Variants in GJB7 observed in about 807,000 individuals in gnomAD.
GJB7 encodes gap junction protein beta 7, also known as gap junction beta-7 protein.
For synonymous variants in GJB7, 87 were observed against 95.2 expected, an observed-to-expected ratio of 0.91 and a Z score of 0.50; for missense variants, 253 against 256.8, an observed-to-expected ratio of 0.99 and a Z score of 0.10.
intron 2 of GJB7, among the ~76,000 whole-genome samples, chr6:87,285,487 G>A (rs957638715): frequency 3.9e-5 from 6 of 152,144 alleles, no homozygotes; most frequent in African/African-American, 1.4e-4. Context: ...ATAATGAAAA[G>A]TGAAGCTCCC....
intron 2 of GJB7, among the ~76,000 whole-genome samples, chr6:87,315,315 T>C (rs1043798895): frequency 6.6e-6 from 1 of 152,146 alleles, no homozygotes; most frequent in African/African-American, 2.4e-5. Flanking sequence ...TCTTTCCTCC[T>C]GTCCAAAGCA....
intron 2 of GJB7, among the ~76,000 whole-genome samples, chr6:87,316,985 T>TC (rs1370936050): frequency 6.6e-6 from 1 of 152,112 alleles, no homozygotes; most frequent in Non-Finnish European, 1.5e-5. Context: ...CCACATACCA[T>TC]CCTCTGTGTT....
chr6:87,293,456 G>GC (rs1459803925), intron 2 of GJB7, among the ~76,000 whole-genome samples: 1 of 151,244 alleles, frequency 6.6e-6, no homozygotes, highest in Non-Finnish European at 1.5e-5. Context: ...TTTTGTTTTT[G>GC]TTTTTGTTTT....
At chr6:87,324,652 AT>A (rs373180779) in intron 1 of GJB7, among the ~76,000 whole-genome samples, 59,118 of 150,224 alleles carry the variant, frequency 0.39, 12,537 homozygotes, top group Non-Finnish European at 0.48. Flanking sequence ...TACCAGTACC[AT>A]GCTGTTTTGG....
intron 2 of GJB7, among the ~76,000 whole-genome samples, chr6:87,292,476 A>G (rs1457153580): frequency 1.3e-5 from 2 of 152,228 alleles, no homozygotes; most frequent in Non-Finnish European, 2.9e-5. Flanking sequence ...ACTATTATAA[A>G]AAAAGCTAAT....
In GJB7 at chr6:87,313,986, T is replaced by C. The variant is rs112555281; in HGVS notation, c.-28+8880A>G. On this transcript the variant is annotated intron_variant, in intron 2 of 2. Transcript: ENST00000525899. ...AGGGGATGTGGATGTTTTGGACCAA[T>C]TGACAAGTCTTCAGAAGCACTAAGA... 6.2e-4 allele frequency among the ~76,000 whole-genome samples: 95 copies of C among 152,334 alleles called. 1 individual carries two copies. Among genetic ancestry groups the C allele is most frequent in the African/African-American group, 2.2e-3 (91 of 41,580 alleles).
rs1313021647 is a variant in GJB7, at chr6:87,328,547, T to C, written c.-206+591A>G. Among the ~76,000 whole-genome samples the C allele has an allele frequency of 2.6e-5, 4 of 152,008 alleles. 1 individual carries two copies. Among genetic ancestry groups the C allele is most frequent in the African/African-American group, 9.7e-5 (4 of 41,278 alleles). On this transcript the variant is annotated intron_variant, in intron 1 of 2. Coordinates refer to ENST00000525899, the MANE Select transcript of GJB7 (RefSeq NM_198568.3). ...CAGTCTGCCCCTGCTGGAGGCTGCC[T>C]CCCAGTTAGGCTGCTCGGGGGTCAG...
chr6:87,289,315 A>G (rs1776123448), intron 2 of GJB7, among the ~76,000 whole-genome samples: 1 of 152,106 alleles, frequency 6.6e-6, no homozygotes, highest in Non-Finnish European at 1.5e-5. Context: ...GTAATCATAT[A>G]CTTGTTTTCG....
intron 2 of GJB7, among the ~76,000 whole-genome samples, chr6:87,288,593 T>C (rs1156604466): frequency 6.6e-6 from 1 of 152,186 alleles, no homozygotes; most frequent in Non-Finnish European, 1.5e-5. Flanking sequence ...AAAAGTGAAA[T>C]CTTGCCAGTA....
At position 87,323,013 on chromosome 6, in the gene GJB7, T is replaced by A. The variant is rs1446146311; in HGVS notation, c.-175A>T. On this transcript the variant is annotated 5_prime_UTR_variant, in exon 2 of 3. Coordinates refer to ENST00000525899, the MANE Select transcript of GJB7 (RefSeq NM_198568.3). ...TTGAGGAGACGCCGCTTTTCTTTTG[T>A]CATAGTGCGGACACTCGTGCTTTTT... 6.6e-6 allele frequency: 1 copy of A among 152,234 alleles called. No individual in the cohort carries two copies. The highest frequency in any genetic ancestry group is 6.5e-5 in the Admixed American group (1 of 15,290). 9.4% of individuals were successfully genotyped at this position (152,234 alleles called of 1,614,324 possible).
intron 2 of GJB7, chr6:87,299,702 T>A (rs1776293622): frequency 1.2e-5 from 2 of 164,910 alleles, no homozygotes; most frequent in African/African-American, 4.8e-5. Flanking sequence ...GATACAGCTA[T>A]TGCTACTGGT....
intron 2 of GJB7, among the ~76,000 whole-genome samples, chr6:87,314,299 A>T (rs1307305666): frequency 1.3e-5 from 2 of 152,126 alleles, no homozygotes; most frequent in African/African-American, 4.8e-5. Context: ...GTTACAAAAG[A>T]TCTGCAACAA....
At chr6:87,299,164 T>C in intron 2 of GJB7, 2 of 460,098 alleles carry the variant, frequency 4.3e-6, no homozygotes, top group Non-Finnish European at 8.7e-6. Flanking sequence ...AAAGTGCTAA[T>C]CCTGTGGAAA....
At chr6:87,319,390 T>A (rs1206854431) in intron 2 of GJB7, among the ~76,000 whole-genome samples, 1 of 152,240 alleles carries the variant, frequency 6.6e-6, no homozygotes, top group Non-Finnish European at 1.5e-5. Flanking sequence ...CACATGCTTA[T>A]GTTTCTTGTA....
At chr6:87,313,893 T>C (rs1776545405) in intron 2 of GJB7, among the ~76,000 whole-genome samples, 2 of 152,196 alleles carry the variant, frequency 1.3e-5, no homozygotes, top group South Asian at 4.1e-4. Flanking sequence ...ATCTGTGTTT[T>C]AACAAGATCC....
chr6:87,311,808 G>T (rs1776515412), intron 2 of GJB7, among the ~76,000 whole-genome samples: 1 of 152,066 alleles, frequency 6.6e-6, no homozygotes, highest in South Asian at 2.1e-4. Flanking sequence ...AATTTCTTGG[G>T]GAATAAAAGC....
chr6:87,292,623 C>T lies in GJB7; in HGVS notation c.-27-7684G>A, dbSNP rs1212119610. 2.0e-5 allele frequency among the ~76,000 whole-genome samples: 3 copies of T among 152,144 alleles called. No individual in the cohort carries two copies. The East Asian group carries it at 5.8e-4, about 29-fold the overall frequency. ...AAAGTACTTTATCCTTTTATGGAAC[C>T]ATTTCTAGGCATGAGATCATCTAAA... On this transcript the variant is annotated intron_variant, in intron 2 of 2. Coordinates refer to ENST00000525899, the MANE Select transcript of GJB7 (RefSeq NM_198568.3).
At chr6:87,323,282 A>C (rs76201598) in intron 1 of GJB7, among the ~76,000 whole-genome samples, 5,718 of 151,766 alleles carry the variant, frequency 0.038, 374 homozygotes, top group African/African-American at 0.13. Flanking sequence ...TTATTTATTT[A>C]TTTGTTATTA....
chr6:87,291,386 A>G (rs1029744069), intron 2 of GJB7, among the ~76,000 whole-genome samples: 8 of 152,254 alleles, frequency 5.3e-5, no homozygotes, highest in African/African-American at 9.6e-5. Flanking sequence ...CAGTACCCAC[A>G]TAGGCCAACA....
Sources: gnomAD v4.1 joint callset for allele counts (sites outside exome capture counted in the v4.1 genomes callset) on GRCh38, gnomAD v4.1.1 for gene constraint, MANE v1.5 for transcripts, NCBI Gene and HGNC (gene_info 2026-07-23, HGNC 2026-07-21) for gene names.